CPEB3: variants seen among roughly 807,000 people sequenced by gnomAD.
CPEB3 encodes cytoplasmic polyadenylation element binding protein 3.
In CPEB3, 20 loss-of-function variants were observed where a neutral mutation model predicts 67.2. The observed-to-expected ratio is 0.30, with a 90% confidence interval of 0.21 to 0.43. The LOEUF is 0.43. Ranked by LOEUF, CPEB3 falls within the 20% of genes least tolerant of loss-of-function variation. The pLI, the probability that CPEB3 is intolerant of heterozygous loss-of-function variation, is 1.00. For missense variants in CPEB3, 746 were observed against 968.6 expected, an observed-to-expected ratio of 0.77 and a Z score of 3.05; for synonymous variants, 376 against 393.1, an observed-to-expected ratio of 0.96 and a Z score of 0.51.
intron 8 of CPEB3, among the ~76,000 whole-genome samples, chr10:92,086,152 T>C (rs909523640): frequency 6.6e-6 from 1 of 152,136 alleles, no homozygotes; most frequent in Non-Finnish European, 1.5e-5. Context: ...AAACTGCGAA[T>C]CTATAATCCA....
intron 2 of CPEB3, among the ~76,000 whole-genome samples, chr10:92,211,294 T>A (rs185687601): frequency 6.6e-6 from 1 of 152,298 alleles, no homozygotes; most frequent in Non-Finnish European, 1.5e-5. Context: ...TTATCAAGTA[T>A]CCAAGAAAAC....
intron 4 of CPEB3, among the ~76,000 whole-genome samples, chr10:92,167,816 G>A (rs1174867183): frequency 1.3e-5 from 2 of 152,262 alleles, no homozygotes; most frequent in Non-Finnish European, 2.9e-5. Context: ...ACTGAGACAT[G>A]AGAATTGCTT....
At chr10:92,225,628 G>A (rs1590443133) in intron 2 of CPEB3, among the ~76,000 whole-genome samples, 1 of 152,124 alleles carries the variant, frequency 6.6e-6, no homozygotes. Context: ...GGAATATTAT[G>A]CAATCATCAA....
chr10:92,111,682 G>T lies in CPEB3; in HGVS notation c.1454-488C>A, dbSNP rs529058407. Among the ~76,000 whole-genome samples the T allele has an allele frequency of 8.9e-4, 136 of 152,318 alleles. 1 individual carries two copies. Among genetic ancestry groups the T allele is most frequent in the Non-Finnish European group, 1.6e-3 (107 of 68,036 alleles). ...GGCTGCCTAGGATGGGGAAGCTGGA[G>T]GGAATAGGCACTGAGTTTCTTTTTG... On this transcript the variant is annotated intron_variant, in intron 6 of 9. Transcript: ENST00000265997.
At chr10:92,260,035 CA>C (rs1473876451) in intron 1 of CPEB3, among the ~76,000 whole-genome samples, 2 of 152,156 alleles carry the variant, frequency 1.3e-5, no homozygotes, top group Non-Finnish European at 2.9e-5. Context: ...GCTCCTCACA[CA>C]AGCAAGTCCT....
At chr10:92,218,868 G>A (rs1046447611) in intron 2 of CPEB3, among the ~76,000 whole-genome samples, 4 of 151,782 alleles carry the variant, frequency 2.6e-5, no homozygotes, top group South Asian at 2.1e-4. Flanking sequence ...AGGCTGGAGC[G>A]CAGTGGTATG....
chr10:92,239,744 G>T lies in CPEB3; in HGVS notation c.607C>A (p.Gln203Lys). The stretch of plus-strand genomic sequence containing the variant: ...CCGTACGCCGCGGCGGCGCTCCTCT[G>T]CGCGTAGGGCGCCTGGCTGGGGCTG... Reference protein sequence around the residue: ...PASPSQAPYAQRSAAAAYGHQ... With the variant: ...PASPSQAPYAKRSAAAAYGHQ... The change falls in exon 2 of 10, where the codon CAG (glutamine) becomes AAG (lysine). Residue 203 changes from glutamine (Q) to lysine (K), a missense_variant. Gln to Lys is a moderately conservative substitution (Grantham distance 53). Around this residue, in one of 2 missense-constraint regions of CPEB3, gnomAD observed 643 missense variants for 717.5 expected, o/e 0.90. Transcript: ENST00000265997. This position sits in a 1 kb window ranked among gnomAD's most constrained non-coding sequence, Gnocchi z 6.0. The T allele has an allele frequency of 1.3e-6, 2 of 1,486,002 alleles. No homozygotes were observed. The highest frequency in any genetic ancestry group is 1.8e-6 in the Non-Finnish European group (2 of 1,125,134). 92.1% of individuals were successfully genotyped at this position (1,486,002 alleles called of 1,614,324 possible). A position where few individuals can be genotyped will look rare whatever the true frequency, so the allele number is the denominator to read the frequency against.
chr10:92,073,818 G>A (rs991809811), intron 9 of CPEB3, among the ~76,000 whole-genome samples: 9 of 152,144 alleles, frequency 5.9e-5, no homozygotes, highest in Non-Finnish European at 1.3e-4. Flanking sequence ...CAGTTGTCAA[G>A]GATCTTGAGA....
intron 1 of CPEB3, among the ~76,000 whole-genome samples, chr10:92,246,665 C>G (rs914978145): frequency 1.3e-5 from 2 of 151,876 alleles, no homozygotes; most frequent in Non-Finnish European, 2.9e-5. Flanking sequence ...CCCACCACCA[C>G]GCCCAGCTAA....
chr10:92,273,669 T>C (rs1853397225), intron 1 of CPEB3, among the ~76,000 whole-genome samples: 1 of 152,194 alleles, frequency 6.6e-6, no homozygotes, highest in Non-Finnish European at 1.5e-5. Context: ...CAATAAAATT[T>C]CACTTCACAC....
At chr10:92,225,962 TG>T (rs1850951360) in intron 2 of CPEB3, among the ~76,000 whole-genome samples, 1 of 152,096 alleles carries the variant, frequency 6.6e-6, no homozygotes, top group Non-Finnish European at 1.5e-5. Context: ...CCGGGCGTGG[TG>T]GCAAGCACCT....
chr10:92,155,462 A>G (rs1042171532), intron 4 of CPEB3, among the ~76,000 whole-genome samples: 2 of 152,214 alleles, frequency 1.3e-5, no homozygotes, highest in East Asian at 3.9e-4. Flanking sequence ...GTTGGCTCAA[A>G]TGAATACATC....
At chr10:92,199,321 G>A (rs1347301659) in intron 2 of CPEB3, among the ~76,000 whole-genome samples, 2 of 151,210 alleles carry the variant, frequency 1.3e-5, no homozygotes, top group Admixed American at 6.6e-5. Flanking sequence ...AACCCAGGAG[G>A]TGGAGGTTGC....
rs191159741 is a variant in CPEB3 at position 92,259,509 on chromosome 10, G to A, written c.-11-19148C>T. On this transcript the variant is annotated intron_variant, in intron 1 of 9. Coordinates refer to ENST00000265997, the MANE Select transcript of CPEB3 (RefSeq NM_014912.5). The stretch of plus-strand genomic sequence containing the variant: ...CCAGCTACTAGGGAGGCTGAGGCAG[G>A]AGAATCTCTTGAACCCGGGAGGCGG... Among the ~76,000 whole-genome samples the A allele has an allele frequency of 2.4e-4, 36 of 151,982 alleles. No individual in the cohort carries two copies. The East Asian group carries it at 6.9e-3, about 29-fold the overall frequency.
chr10:92,120,116 A>C (rs1590183456), intron 6 of CPEB3, among the ~76,000 whole-genome samples: 1 of 146,652 alleles, frequency 6.8e-6, no homozygotes, highest in East Asian at 2.0e-4. Flanking sequence ...AAAAAAAAAA[A>C]ACCAAATTGC....
At chr10:92,080,180 C>A (rs1188107802) in intron 9 of CPEB3, among the ~76,000 whole-genome samples, 1 of 147,794 alleles carries the variant, frequency 6.8e-6, no homozygotes, top group Non-Finnish European at 1.5e-5. Flanking sequence ...GCACTCCAGC[C>A]TGGGTGACTG....
At position 92,049,000 on chromosome 10, in the gene CPEB3, A is replaced by C. The variant is rs1272329831; in HGVS notation, c.*3212T>G. 2.6e-5 allele frequency: 4 copies of C among 152,610 alleles called. No individual in the cohort carries two copies. Among genetic ancestry groups the C allele is most frequent in the Non-Finnish European group, 4.4e-5 (3 of 68,036 alleles). The allele number at this position is 152,610 out of a possible 1,614,324, so 9.5% of individuals were successfully genotyped here. A position where few individuals can be genotyped will look rare whatever the true frequency, so the allele number is the denominator to read the frequency against. On this transcript the variant is annotated 3_prime_UTR_variant, in exon 10 of 10. Coordinates refer to ENST00000265997, the MANE Select transcript of CPEB3 (RefSeq NM_014912.5). The surrounding 1 kb of genome is among the most constrained non-coding windows in gnomAD (Gnocchi z 4.1). Reference sequence around the variant, plus strand: ...AAGAAAATACGAAATAAAATGAAAAATATGTAAATATGTTTAATTTTTTTC... The same window carrying C: ...AAGAAAATACGAAATAAAATGAAAACTATGTAAATATGTTTAATTTTTTTC...
At chr10:92,222,932 T>G (rs140294149) in intron 2 of CPEB3, among the ~76,000 whole-genome samples, 207 of 152,336 alleles carry the variant, frequency 1.4e-3, no homozygotes, top group Middle Eastern at 6.8e-3. Flanking sequence ...AAGACCTTAT[T>G]AATGATATCT....
chr10:92,198,703 C>T (rs192977139), intron 2 of CPEB3, among the ~76,000 whole-genome samples: 7 of 152,350 alleles, frequency 4.6e-5, no homozygotes, highest in Non-Finnish European at 4.4e-5. Context: ...CACTACAACG[C>T]TGCAGAGTAG....
Sources: gnomAD v4.1 joint callset for allele counts (sites outside exome capture counted in the v4.1 genomes callset) on GRCh38, gnomAD v4.1.1 for gene constraint, gnomAD v4.1.1 regional missense constraint, Gnocchi (gnomAD v3.1) non-coding constraint, MANE v1.5 for transcripts, NCBI Gene and HGNC (gene_info 2026-07-23, HGNC 2026-07-21) for gene names.